EPHA7: variants seen among roughly 807,000 people sequenced by gnomAD.
EPHA7 encodes the protein EPH receptor A7, also known as ephrin type-A receptor 7.
In EPHA7, 25 loss-of-function variants were observed where a neutral mutation model predicts 112.6. The ratio of observed to expected loss-of-function variants is 0.22; its 90% CI spans 0.16 to 0.31. The LOEUF is 0.31. Ranked by LOEUF, EPHA7 falls within the 10% of genes least tolerant of loss-of-function variation. The pLI, the probability that EPHA7 is intolerant of heterozygous loss-of-function variation, is 1.00. For synonymous variants in EPHA7, 437 were observed against 406.5 expected, an observed-to-expected ratio of 1.07 and a Z score of -0.90; for missense variants, 962 against 1,212.6, an observed-to-expected ratio of 0.79 and a Z score of 3.07.
At position 93,356,864 on chromosome 6, in the gene EPHA7, T is replaced by A; in HGVS notation, c.1177A>T (p.Thr393Ser). Residue 393 changes from threonine to serine, a missense_variant, in exon 5 of 17, where the codon ACT becomes TCT. Thr to Ser is a moderately conservative substitution (Grantham distance 58). Around this residue, in one of 3 missense-constraint regions of EPHA7, gnomAD observed 746 missense variants for 889.2 expected, o/e 0.84. Coordinates refer to ENST00000369303, the MANE Select transcript of EPHA7 (RefSeq NM_004440.4). Reference protein sequence around the residue: ...GSNIGYMPQQTGLEDNYVTVM... With the variant: ...GSNIGYMPQQSGLEDNYVTVM... ...GTGACATAGTTATCCTCTAATCCAGTCTGCTGGGGCATGTATCCAATGTTA... is the reference window on the plus strand; with the variant it reads ...GTGACATAGTTATCCTCTAATCCAGACTGCTGGGGCATGTATCCAATGTTA... 1 of 1,614,150 alleles carries A rather than the reference T, an allele frequency of 6.2e-7. No individual in the cohort carries two copies. Among genetic ancestry groups the A allele is most frequent in the Non-Finnish European group, 8.5e-7 (1 of 1,180,024 alleles).
At chr6:93,324,006 G>A (rs1056016683) in intron 5 of EPHA7, among the ~76,000 whole-genome samples, 10 of 151,480 alleles carry the variant, frequency 6.6e-5, no homozygotes, top group East Asian at 3.9e-4. Context: ...TCTGCTTTCC[G>A]TTGCCAGAAG....
chr6:93,295,212 T>C (rs1772597403), intron 5 of EPHA7, among the ~76,000 whole-genome samples: 1 of 152,082 alleles, frequency 6.6e-6, no homozygotes, highest in African/African-American at 2.4e-5. Context: ...GCTACATTAC[T>C]TGTAATCAGA....
chr6:93,314,866 T>C (rs1429154461), intron 5 of EPHA7, among the ~76,000 whole-genome samples: 2 of 140,158 alleles, frequency 1.4e-5, no homozygotes, highest in Non-Finnish European at 3.1e-5. Context: ...TTCTTTTTTT[T>C]TTTTTTTTTT....
Position 93,246,910 on chromosome 6 carries a change from A to G in EPHA7, c.2608T>C (p.Leu870=), listed in dbSNP as rs2127847126. 3 of 1,613,874 alleles carry G rather than the reference A, an allele frequency of 1.9e-6. No homozygotes were observed. Among genetic ancestry groups the G allele is most frequent in the Non-Finnish European group, 2.5e-6 (3 of 1,179,796 alleles). The change falls in exon 15 of 17, where the codon TTG becomes CTG. Residue 870 remains leucine (L), a synonymous_variant. Coordinates refer to ENST00000369303, the MANE Select transcript of EPHA7 (RefSeq NM_004440.4). ...GCACGCTCCTTTTGCCAACAATCCA[A>G]CATTAGCTGGTGAAGGCCAGCTGGG... The part of the protein sequence containing the change: ...DCPAGLHQLM[L]DCWQKERAER...
chr6:93,336,756 T>C (rs973536215), intron 5 of EPHA7, among the ~76,000 whole-genome samples: 4 of 152,012 alleles, frequency 2.6e-5, no homozygotes, highest in Admixed American at 2.6e-4. Context: ...CCAGTTCCAA[T>C]AGCAGCCACT....
intron 5 of EPHA7, among the ~76,000 whole-genome samples, chr6:93,303,776 T>C (rs1260495165): frequency 6.6e-6 from 1 of 152,102 alleles, no homozygotes; most frequent in Non-Finnish European, 1.5e-5. Flanking sequence ...ATTTCTGAAG[T>C]ATTGAAAAGG....
At position 93,348,035 on chromosome 6, in the gene EPHA7, G is replaced by C. The variant is rs576057434; in HGVS notation, c.1324+8682C>G. On this transcript the variant is annotated intron_variant, in intron 5 of 16. Coordinates refer to ENST00000369303, the MANE Select transcript of EPHA7 (RefSeq NM_004440.4). ...TAGGATTTTTTCAAGAGTCTACTAAGAGCATGTCCATTAAACAGTATGCAG... is the reference window on the plus strand; with the variant it reads ...TAGGATTTTTTCAAGAGTCTACTAACAGCATGTCCATTAAACAGTATGCAG... Among the ~76,000 whole-genome samples the C allele has an allele frequency of 4.1e-4, 62 of 151,890 alleles. 3 individuals carry two copies. The South Asian group carries it at 0.013, about 31-fold the overall frequency.
rs916232576 is a variant in EPHA7, at chr6:93,410,263, T to C, written c.832+238A>G. On this transcript the variant is annotated intron_variant, in intron 3 of 16. Coordinates refer to ENST00000369303, the MANE Select transcript of EPHA7 (RefSeq NM_004440.4). The surrounding 1 kb of genome is among the most constrained non-coding windows in gnomAD (Gnocchi z 4.0). ...CAACTATTGACTTCCATGTTAAGCA[T>C]AGGACACATTAAATTTTAGTAACAA... 50 of 509,130 alleles carry C rather than the reference T, an allele frequency of 9.8e-5. No individual in the cohort carries two copies. Among genetic ancestry groups the C allele is most frequent in the Middle Eastern group, 5.4e-4 (1 of 1,864 alleles). The allele number at this position is 509,130 out of a possible 1,614,324, so 31.5% of individuals were successfully genotyped here.
chr6:93,315,546 C>T (rs539618250), intron 5 of EPHA7, among the ~76,000 whole-genome samples: 2 of 152,240 alleles, frequency 1.3e-5, no homozygotes, highest in South Asian at 2.1e-4. Flanking sequence ...CTGATTTCAG[C>T]TGTTATCTCT....
chr6:93,289,466 A>C (rs1772241951), intron 5 of EPHA7, among the ~76,000 whole-genome samples: 1 of 151,812 alleles, frequency 6.6e-6, no homozygotes, highest in African/African-American at 2.4e-5. Context: ...AAAAATACAA[A>C]AAAAAAAATT....
At chr6:93,248,548 T>C (rs1411698043) in intron 14 of EPHA7, among the ~76,000 whole-genome samples, 1 of 152,108 alleles carries the variant, frequency 6.6e-6, no homozygotes, top group Non-Finnish European at 1.5e-5. Context: ...CCTGTATATA[T>C]TTAAAATTGA....
At chr6:93,262,040 G>A (rs1217255467) in intron 9 of EPHA7, among the ~76,000 whole-genome samples, 1 of 151,350 alleles carries the variant, frequency 6.6e-6, no homozygotes, top group Non-Finnish European at 1.5e-5. Context: ...TACTGATTAT[G>A]GTAATATTAA....
chr6:93,246,584 G>T (rs1769961419), intron 15 of EPHA7, among the ~76,000 whole-genome samples: 1 of 152,042 alleles, frequency 6.6e-6, no homozygotes, highest in African/African-American at 2.4e-5. Flanking sequence ...TTTAAAAAAT[G>T]CAATAACTAA....
In EPHA7 at chr6:93,257,357, T is replaced by C. The variant is rs114572693; in HGVS notation, c.2172+105A>G. 1,272 of 744,090 alleles carry C rather than the reference T, an allele frequency of 1.7e-3. 11 individuals are homozygous for C. The African/African-American group carries it at 0.02, about 11-fold the overall frequency. 46.1% of individuals were successfully genotyped at this position (744,090 alleles called of 1,614,324 possible). ...TTTCAAAGACAATCTTCTAACCTCT[T>C]ACTATTTTACAAGGCTCTCATTTTA... On this transcript the variant is annotated intron_variant, in intron 12 of 16. Transcript: ENST00000369303.
At chr6:93,366,705 C>T (rs1354657000) in intron 3 of EPHA7, among the ~76,000 whole-genome samples, 1 of 152,136 alleles carries the variant, frequency 6.6e-6, no homozygotes, top group Non-Finnish European at 1.5e-5. Flanking sequence ...CGGTTTACCT[C>T]TCGCTTTCAC....
intron 5 of EPHA7, among the ~76,000 whole-genome samples, chr6:93,315,083 C>T (rs1002912874): frequency 2.0e-5 from 3 of 147,604 alleles, no homozygotes; most frequent in Admixed American, 6.7e-5. Context: ...AGGATGGTCT[C>T]GATCTCCTGA....
intron 9 of EPHA7, chr6:93,260,826 TAGA>T (rs1770654538): frequency 1.3e-6 from 1 of 782,552 alleles, no homozygotes; most frequent in South Asian, 5.9e-5. Context: ...AGAGAGGGGA[TAGA>T]AGGAGAAAAG....
At chr6:93,385,981 T>A (rs1158116889) in intron 3 of EPHA7, among the ~76,000 whole-genome samples, 4 of 151,992 alleles carry the variant, frequency 2.6e-5, no homozygotes, top group African/African-American at 4.8e-5. Context: ...AAGAACTCAT[T>A]TACTATCATG....
intron 3 of EPHA7, among the ~76,000 whole-genome samples, chr6:93,359,854 T>TAGAGAG (rs57690732): frequency 0.019 from 2,404 of 125,140 alleles, 47 homozygotes; most frequent in African/African-American, 0.029. Context: ...CAATAGATGA[T>TAGAGAG]AGAGAGAGAG....
Sources: gnomAD v4.1 joint callset for allele counts (sites outside exome capture counted in the v4.1 genomes callset) on GRCh38, gnomAD v4.1.1 for gene constraint, gnomAD v4.1.1 regional missense constraint, Gnocchi (gnomAD v3.1) non-coding constraint, MANE v1.5 for transcripts, NCBI Gene and HGNC (gene_info 2026-07-23, HGNC 2026-07-21) for gene names.